The following EGF variants were observed in gnomAD, a reference collection of about 807,000 sequenced individuals.
EGF encodes pro-epidermal growth factor.
In EGF, 95 loss-of-function variants were observed where a neutral mutation model predicts 143.8. The observed-to-expected ratio is 0.66, with a 90% CI of 0.56 to 0.78. The LOEUF (loss-of-function observed/expected upper bound fraction) is 0.78. EGF is among the 30% of genes least tolerant of loss of function. The pLI, the probability that EGF is intolerant of heterozygous loss-of-function variation, is 0.00. For missense variants in EGF, 1,320 were observed against 1,470.9 expected (o/e 0.90, Z 1.68); for synonymous variants, 510 against 510.5 (o/e 1.00, Z 0.01).
At chr4:109,932,976 G>A (rs992067976) in intron 1 of EGF, among the ~76,000 whole-genome samples, 10 of 152,156 alleles carry the variant, frequency 6.6e-5, no homozygotes, top group Non-Finnish European at 1.2e-4. Flanking sequence ...CAGTCCCTGG[G>A]TTCAAATCCA....
At chr4:109,927,325 T>C (rs1738850474) in intron 1 of EGF, among the ~76,000 whole-genome samples, 1 of 152,180 alleles carries the variant, frequency 6.6e-6, no homozygotes, top group Non-Finnish European at 1.5e-5. Context: ...AAATTCAAGC[T>C]TTTCAGTAAA....
Position 109,968,673 on chromosome 4 carries a change from C to CATCT in EGF, c.1576-264_1576-261dup, listed in dbSNP as rs10530188. On this transcript the variant is annotated intron_variant, in intron 10 of 23. Coordinates refer to ENST00000265171, the MANE Select transcript of EGF (RefSeq NM_001963.6). ...ATATATGTATATTTATATCTATATACATCTATCTATCTATCTATCTATCTA... is the reference window on the plus strand; with the variant it reads ...ATATATGTATATTTATATCTATATACATCTATCTATCTATCTATCTATCTATCTA... The CATCT allele has an allele frequency of 0.037, 13,074 of 350,868 alleles. 236 individuals carry two copies. Among genetic ancestry groups the CATCT allele is most frequent in the African/African-American group, 0.045 (2,005 of 44,288 alleles). The allele number at this position is 350,868 out of a possible 1,614,324, so 21.7% of individuals were successfully genotyped here.
chr4:109,913,159 C>A lies in EGF; in HGVS notation c.-177C>A. The A allele has an allele frequency of 1.5e-6, 1 of 663,126 alleles. No homozygotes were observed. The highest frequency in any genetic ancestry group is 2.6e-6 in the Non-Finnish European group (1 of 387,766). 41.1% of individuals were successfully genotyped at this position (663,126 alleles called of 1,614,324 possible). A position where few individuals can be genotyped will look rare whatever the true frequency, so the allele number is the denominator to read the frequency against. On this transcript the variant is annotated 5_prime_UTR_variant, in exon 1 of 24. Coordinates refer to ENST00000265171, the MANE Select transcript of EGF (RefSeq NM_001963.6). The stretch of plus-strand genomic sequence containing the variant: ...CCTTGGCAGGCTGCATTCAGAAGGT[C>A]TCTCAGTTGAAGAAAGAGCTTGGAG...
In EGF at chr4:109,980,935, G is replaced by A; in HGVS notation, c.2331G>A (p.Gly777=). ...AAGGTTTTATGAAAGCCTCAGATGGGAAAACGTGTCTGGCTCTGGATGGTC... is the reference window on the plus strand; with the variant it reads ...AAGGTTTTATGAAAGCCTCAGATGGAAAAACGTGTCTGGCTCTGGATGGTC... ...CREGFMKASD[G]KTCLALDGHQ... The change falls in exon 15 of 24, where the codon GGG becomes GGA. Residue 777 remains glycine, a synonymous_variant. Transcript: ENST00000265171. 6.2e-7 allele frequency: 1 copy of A among 1,614,094 alleles called. No individual in the cohort carries two copies. Among genetic ancestry groups the A allele is most frequent in the Non-Finnish European group, 8.5e-7 (1 of 1,179,986 alleles).
chr4:109,946,573 T>A (rs977753380), intron 5 of EGF, among the ~76,000 whole-genome samples: 1 of 152,226 alleles, frequency 6.6e-6, no homozygotes, highest in East Asian at 1.9e-4. Flanking sequence ...ACACCTTTCA[T>A]TGAGCTCATC....
intron 5 of EGF, among the ~76,000 whole-genome samples, chr4:109,958,637 A>C (rs1745170861): frequency 6.6e-6 from 1 of 152,164 alleles, no homozygotes; most frequent in African/African-American, 2.4e-5. Context: ...TACACTTAAA[A>C]AGTATTCTTG....
intron 6 of EGF, among the ~76,000 whole-genome samples, chr4:109,959,797 G>A (rs1578262369): frequency 6.6e-6 from 1 of 151,858 alleles, no homozygotes; most frequent in South Asian, 2.1e-4. Context: ...GGTTTCATAG[G>A]GATCGTAAGA....
At position 109,982,629 on chromosome 4, in the gene EGF, TTTTTCTTTTC is replaced by T. The variant is rs141563762; in HGVS notation, c.2372-778_2372-769del. On this transcript the variant is annotated intron_variant, in intron 15 of 23. Coordinates refer to ENST00000265171, the MANE Select transcript of EGF (RefSeq NM_001963.6). ...AGACATGAGCCACCGTGCCCGGCCT[TTTTTCTTTTC>T]TTTTCTTTTCTTTTTTAATATGAGT... Among the ~76,000 whole-genome samples the T allele has an allele frequency of 8.0e-3, 1,215 of 152,002 alleles. 11 individuals are homozygous for T. Among genetic ancestry groups the T allele is most frequent in the African/African-American group, 0.028 (1,152 of 41,436 alleles).
At chr4:109,977,436 G>T (rs567241297) in intron 13 of EGF, 23 of 152,154 alleles carry the variant, frequency 1.5e-4, no homozygotes, top group African/African-American at 5.3e-4. Context: ...TACTTCAGGG[G>T]TATTTATTGA....
At chr4:109,934,994 G>A (rs1740499006) in intron 1 of EGF, among the ~76,000 whole-genome samples, 2 of 152,126 alleles carry the variant, frequency 1.3e-5, no homozygotes, top group Non-Finnish European at 2.9e-5. Flanking sequence ...GTAAGGTAGT[G>A]TGATGCCTCC....
chr4:109,951,695 G>A (rs1743952799), intron 5 of EGF, among the ~76,000 whole-genome samples: 1 of 152,160 alleles, frequency 6.6e-6, no homozygotes, highest in South Asian at 2.1e-4. Context: ...AAAGTTCTGA[G>A]GTTTAGAGAT....
chr4:109,959,392 T>A lies in EGF; in HGVS notation c.1021T>A (p.Cys341Ser). The change falls in exon 6 of 24, where the codon TGT becomes AGT. Residue 341 changes from cysteine (C) to serine (S), a missense_variant. Coordinates refer to ENST00000265171, the MANE Select transcript of EGF (RefSeq NM_001963.6). The part of the protein sequence containing the change: ...GQDLQSHLCM[C>S]AEGYALSRDR... ...AGACCTCCAGTCACACTTGTGCATG[T>A]GTGCAGAGGGATACGCCCTAAGTCG... The A allele has an allele frequency of 6.2e-7, 1 of 1,613,298 alleles. No homozygotes were observed. The highest frequency in any genetic ancestry group is 8.5e-7 in the Non-Finnish European group (1 of 1,179,922).
intron 16 of EGF, 66 bp from the exon 17 acceptor site, chr4:109,987,678 A>G: frequency 1.5e-6 from 2 of 1,318,504 alleles, no homozygotes. Context: ...GTAGAACCAG[A>G]AGATTAAAGT....
In EGF at chr4:109,976,160, G is replaced by T. The variant is rs954524553; in HGVS notation, c.1978G>T (p.Asp660Tyr). The T allele has an allele frequency of 7.4e-6, 12 of 1,614,120 alleles. No individual in the cohort carries two copies. The highest frequency in any genetic ancestry group is 1.0e-5 in the Non-Finnish European group (12 of 1,180,000). Reference sequence around the variant, plus strand: ...CTTAACTGACAAGTTGTACTGGTGCGATGCCAAGCAGTCTGTGATTGAAAT... The same window carrying T: ...CTTAACTGACAAGTTGTACTGGTGCTATGCCAAGCAGTCTGTGATTGAAAT... ...DFLTDKLYWC[D>Y]AKQSVIEMAN... The change falls in exon 13 of 24, where the codon GAT (aspartate) becomes TAT (tyrosine). Residue 660 changes from aspartate (D) to tyrosine (Y), a missense_variant. Coordinates refer to ENST00000265171, the MANE Select transcript of EGF (RefSeq NM_001963.6).
intron 1 of EGF, among the ~76,000 whole-genome samples, chr4:109,921,653 A>G (rs1241334278): frequency 6.6e-6 from 1 of 151,728 alleles, no homozygotes; most frequent in Admixed American, 6.5e-5. Context: ...CTTTGTGTGC[A>G]GTAAGGGAAT....
At chr4:109,935,369 T>C (rs908743514) in intron 1 of EGF, among the ~76,000 whole-genome samples, 4 of 152,196 alleles carry the variant, frequency 2.6e-5, no homozygotes, top group African/African-American at 9.7e-5. Flanking sequence ...GTTATTGGTA[T>C]ATAGGAATGC....
At chr4:109,961,774 G>A in intron 7 of EGF, 89 bp from the exon 8 acceptor site, 1 of 1,559,984 alleles carries the variant, frequency 6.4e-7, no homozygotes, top group Non-Finnish European at 8.8e-7. Flanking sequence ...CAAGGCAGGA[G>A]GATCACCTGG....
At position 109,944,036 on chromosome 4, in the gene EGF, G is replaced by C; in HGVS notation, c.704G>C (p.Gly235Ala). 1 of 1,614,146 alleles carries C rather than the reference G, an allele frequency of 6.2e-7. No individual in the cohort carries two copies. Among genetic ancestry groups the C allele is most frequent in the Non-Finnish European group, 8.5e-7 (1 of 1,180,024 alleles). Residue 235 changes from glycine (G) to alanine (A), a missense_variant, in exon 4 of 24, where the codon GGA becomes GCA. Coordinates refer to ENST00000265171, the MANE Select transcript of EGF (RefSeq NM_001963.6). ...CTTATTTGCTCCTGTGATTATGATG[G>C]AGGTTCTGTCCACATTAGTAAACAT... ...NSLICSCDYDGGSVHISKHPT... is the reference protein window; with the variant it reads ...NSLICSCDYDAGSVHISKHPT...
In EGF at chr4:109,976,036, G is replaced by T. The variant is rs766680287; in HGVS notation, c.1854G>T (p.Gly618=). ...MAKRLFWTDT[G]INPRIESSSL... is the part of the protein sequence containing the mutation. Reference sequence around the variant, plus strand: ...GGAGATTATTCTGGACTGATACAGGGATTAATCCACGAATTGAAAGTTCTT... The same window carrying T: ...GGAGATTATTCTGGACTGATACAGGTATTAATCCACGAATTGAAAGTTCTT... Residue 618 remains glycine, a synonymous_variant, in exon 13 of 24, where the codon GGG becomes GGT. Transcript: ENST00000265171. 1 of 1,613,916 alleles carries T rather than the reference G, an allele frequency of 6.2e-7. No homozygotes were observed. The highest frequency in any genetic ancestry group is 2.2e-5 in the East Asian group (1 of 44,888).
Sources: allele counts gnomAD v4.1 joint callset (sites outside exome capture counted in the v4.1 genomes callset), GRCh38; gene constraint gnomAD v4.1.1; transcripts MANE v1.5; gene names NCBI Gene and HGNC (gene_info 2026-07-23, HGNC 2026-07-21).